ZNF701: variants seen among roughly 807,000 people sequenced by gnomAD.
The protein encoded by ZNF701 is zinc finger protein 701.
ZNF701 carries 6 observed loss-of-function variants against 7.1 expected under a neutral mutation model. The ratio of observed to expected loss-of-function variants is 0.84; its 90% CI spans 0.46 to 1.66. ZNF701 has a LOEUF of 1.66. Among genes scored for constraint, ZNF701 ranks in the 40% most tolerant of loss-of-function variants. The pLI is 0.01. For missense variants in ZNF701, 541 were observed against 559.2 expected (o/e 0.97, Z 0.33); for synonymous variants, 166 against 188.2 (o/e 0.88, Z 0.97).
At chr19:52,598,988 A>G in the ZNF701 span, 1 of 152,082 alleles carries the variant, frequency 6.6e-6, no homozygotes, top group Non-Finnish European at 1.5e-5. Flanking sequence ...TGTCTCTTAG[A>G]ACATTCAATT....
chr19:52,597,172 A>G, the ZNF701 span: 4 of 597,382 alleles, frequency 6.7e-6, no homozygotes, highest in East Asian at 1.7e-4. Flanking sequence ...GAGAAACCTT[A>G]CAAATATCAT....
chr19:52,575,337 C>T (rs1353855299), intron 2 of ZNF701, among the ~76,000 whole-genome samples: 1 of 147,182 alleles, frequency 6.8e-6, no homozygotes, highest in African/African-American at 2.6e-5. Context: ...CACATATATA[C>T]ATACACATAC....
Position 52,583,209 on chromosome 19 carries a change from T to G in ZNF701, c.1150T>G (p.Cys384Gly). The G allele has an allele frequency of 6.2e-7, 1 of 1,610,378 alleles. No homozygotes were observed. The highest frequency in any genetic ancestry group is 1.3e-5 in the African/African-American group (1 of 74,974). Residue 384 changes from cysteine to glycine, a missense_variant, in exon 4 of 4, where the codon TGT becomes GGT. Coordinates refer to ENST00000391785, the MANE Select transcript of ZNF701 (RefSeq NM_018260.3). ...VIHTGEKPYKCNECGKTFVQN... is the reference protein window; with the variant it reads ...VIHTGEKPYKGNECGKTFVQN... ...TCACACTGGAGAGAAACCTTACAAG[T>G]GTAATGAGTGTGGCAAGACCTTTGT...
In ZNF701 at chr19:52,579,262, C is replaced by T. The variant is rs1363356631; in HGVS notation, c.143-2940C>T. ...TTAAAGTTGGCCAGGCGCGGTGGCT[C>T]ACGCCTGTAATCCCAGCACTTTGGG... On this transcript the variant is annotated intron_variant, in intron 3 of 3. Transcript: ENST00000391785. Among the ~76,000 whole-genome samples, 4 of 141,444 alleles carry T rather than the reference C, an allele frequency of 2.8e-5. No homozygotes were observed. In the East Asian group the frequency reaches 6.1e-4, roughly 21 times the overall value. 92.8% of individuals were successfully genotyped at this position (141,444 alleles called of 152,430 possible).
intron 2 of ZNF701, among the ~76,000 whole-genome samples, chr19:52,575,402 A>C (rs987228099): frequency 3.3e-5 from 5 of 152,076 alleles, no homozygotes; most frequent in African/African-American, 7.2e-5. Flanking sequence ...AAATGACAAC[A>C]CTTTGTATTA....
intron 1 of ZNF701, among the ~76,000 whole-genome samples, chr19:52,571,233 T>TGAGA (rs3837922): frequency 0.013 from 1,867 of 142,102 alleles, 30 homozygotes; most frequent in African/African-American, 0.041. Flanking sequence ...CTCATCAGAG[T>TGAGA]GAGAGAGAGA....
intron 3 of ZNF701, among the ~76,000 whole-genome samples, chr19:52,581,851 G>A (rs1313429273): frequency 6.6e-6 from 1 of 152,098 alleles, no homozygotes; most frequent in Non-Finnish European, 1.5e-5. Context: ...CTATAAATAT[G>A]AAGAATATAT....
rs1890438191 is a variant in ZNF701 at position 52,579,452 on chromosome 19, G to A, written c.143-2750G>A. Among the ~76,000 whole-genome samples the A allele has an allele frequency of 1.4e-5, 2 of 138,192 alleles. 1 individual carries two copies. Among genetic ancestry groups the A allele is most frequent in the Non-Finnish European group, 3.0e-5 (2 of 67,134 alleles). 90.7% of individuals were successfully genotyped at this position (138,192 alleles called of 152,430 possible). A position where few individuals can be genotyped will look rare whatever the true frequency, so the allele number is the denominator to read the frequency against. ...GCAGAATTGCTTGAACCTGGGAGGC[G>A]GGGGTTGCAGTGATCCGAGATTGTG... On this transcript the variant is annotated intron_variant, in intron 3 of 3. Transcript: ENST00000391785.
downstream of ZNF701, chr19:52,587,236 C>T (rs1346992149): frequency 6.6e-6 from 1 of 152,138 alleles, no homozygotes; most frequent in African/African-American, 2.4e-5. Context: ...TGAGAAAGTA[C>T]ATCATTTCCA....
chr19:52,581,606 G>A (rs1224848130), intron 3 of ZNF701, among the ~76,000 whole-genome samples: 3 of 152,076 alleles, frequency 2.0e-5, no homozygotes, highest in Non-Finnish European at 4.4e-5. Flanking sequence ...TTTGCCTCTT[G>A]GCTTAAAGCA....
rs1298435626 is a variant in ZNF701, at chr19:52,579,508, G to A, written c.143-2694G>A. Among the ~76,000 whole-genome samples, 15 of 93,030 alleles carry A rather than the reference G, an allele frequency of 1.6e-4. 2 individuals carry two copies. Among genetic ancestry groups the A allele is most frequent in the African/African-American group, 6.4e-4 (10 of 15,716 alleles). 61.0% of individuals were successfully genotyped at this position (93,030 alleles called of 152,430 possible). The stretch of plus-strand genomic sequence containing the variant: ...GCACTCCAGCCTGGGCAACGAGAGC[G>A]AAACTCTGTCTCAAAAAAAAAAAAA... On this transcript the variant is annotated intron_variant, in intron 3 of 3. Transcript: ENST00000391785.
At chr19:52,596,381 T>C in the ZNF701 span, 11 of 396,296 alleles carry the variant, frequency 2.8e-5, no homozygotes, top group African/African-American at 2.3e-4. Context: ...ATGTGAAGAA[T>C]GCAACAAAGT....
intron 3 of ZNF701, among the ~76,000 whole-genome samples, chr19:52,578,572 C>T (rs2059952906): frequency 1.3e-5 from 2 of 152,326 alleles, no homozygotes; most frequent in East Asian, 1.9e-4. Flanking sequence ...CTCTCATCTC[C>T]GCATAAGAGA....
downstream of ZNF701, among the ~76,000 whole-genome samples, chr19:52,590,646 A>G (rs1395415738): frequency 1.3e-5 from 2 of 151,942 alleles, no homozygotes; most frequent in African/African-American, 4.8e-5. Context: ...AGGCTGGAGG[A>G]CAGTGGTACA....
In ZNF701 at chr19:52,574,248, A is replaced by G. The variant is rs115794854; in HGVS notation, c.15+86A>G. 2,116 of 1,570,668 alleles carry G rather than the reference A, an allele frequency of 1.3e-3. 24 individuals are homozygous for G. The African/African-American group carries it at 0.025, about 18-fold the overall frequency. ...AGTTGGGAATCTTCTCTGAGTCTCA[A>G]GTGTCCTGCCTGACAGGTTTGCTCA... On this transcript the variant is annotated intron_variant, in intron 2 of 3. Transcript: ENST00000391785.
rs1400623736 is a variant in ZNF701, at chr19:52,574,097, G to T, written c.-51G>T. Reference sequence around the variant, plus strand: ...TTCAGGATTGACTTCTAAAGACTTGGTACGTGAGGAAAAAACACGGAAGAG... The same window carrying T: ...TTCAGGATTGACTTCTAAAGACTTGTTACGTGAGGAAAAAACACGGAAGAG... On this transcript the variant is annotated 5_prime_UTR_variant, in exon 2 of 4. Transcript: ENST00000391785. 2 of 1,612,110 alleles carry T rather than the reference G, an allele frequency of 1.2e-6. No homozygotes were observed. The highest frequency in any genetic ancestry group is 2.7e-5 in the African/African-American group (2 of 74,856).
At chr19:52,577,012 G>T (rs1456316305) in intron 3 of ZNF701, among the ~76,000 whole-genome samples, 1 of 152,200 alleles carries the variant, frequency 6.6e-6, no homozygotes, top group Non-Finnish European at 1.5e-5. Context: ...GCAAGTGGGA[G>T]AATTCTGTTG....
intron 1 of ZNF701, among the ~76,000 whole-genome samples, chr19:52,571,140 A>G (rs541110758): frequency 1.3e-5 from 2 of 152,228 alleles, no homozygotes; most frequent in South Asian, 4.1e-4. Context: ...GAGAAAAGCA[A>G]CTGGAGAAAT....
downstream of ZNF701, among the ~76,000 whole-genome samples, chr19:52,587,528 C>T (rs1397750733): frequency 6.6e-6 from 1 of 152,152 alleles, no homozygotes; most frequent in Admixed American, 6.6e-5. Flanking sequence ...CTATGGAAAC[C>T]TTTGTGATCT....
Sources: allele counts gnomAD v4.1 joint callset (sites outside exome capture counted in the v4.1 genomes callset), GRCh38; gene constraint gnomAD v4.1.1; transcripts MANE v1.5; gene names NCBI Gene and HGNC (gene_info 2026-07-23, HGNC 2026-07-21).